The following NTM variants were observed in gnomAD, a reference collection of about 807,000 sequenced individuals.
NTM encodes IgLON family member 2.
Under a neutral mutation model 42.1 loss-of-function variants are expected in NTM, and 13 were observed. The ratio of observed to expected loss-of-function variants is 0.31; its 90% CI spans 0.20 to 0.49. The LOEUF (loss-of-function observed/expected upper bound fraction) is 0.49, where lower values mean the gene tolerates loss of function less well. Among genes scored for constraint, NTM ranks in the 20% least tolerant of loss-of-function variants. NTM has a pLI of 0.99. For missense variants in NTM, 373 were observed against 452.8 expected (o/e 0.82, Z 1.60); for synonymous variants, 187 against 179.2 (o/e 1.04, Z -0.35).
chr11:131,388,250 G>A (rs574369509), intron 1 of NTM, among the ~76,000 whole-genome samples: 61 of 151,604 alleles, frequency 4.0e-4, no homozygotes, highest in African/African-American at 1.3e-3. Flanking sequence ...TGTGTAAGCC[G>A]TATAAATATG....
chr11:131,860,523 C>T (rs976404197), intron 1 of NTM, among the ~76,000 whole-genome samples: 1 of 152,178 alleles, frequency 6.6e-6, no homozygotes, highest in Non-Finnish European at 1.5e-5. Context: ...TATCGTCACC[C>T]TCTCCCTAGC....
intron 1 of NTM, chr11:131,455,521 G>C (rs1407362940): frequency 6.6e-6 from 1 of 152,306 alleles, no homozygotes; most frequent in East Asian, 1.9e-4. Context: ...GGTCCACTGA[G>C]GTAGGGGGAG....
At chr11:132,155,760 T>C (rs1430143416) in intron 3 of NTM, among the ~76,000 whole-genome samples, 1 of 152,214 alleles carries the variant, frequency 6.6e-6, no homozygotes, top group East Asian at 1.9e-4. Flanking sequence ...GAAAGAAAGA[T>C]GAGAAATTTT....
intron 1 of NTM, among the ~76,000 whole-genome samples, chr11:131,623,725 C>G (rs893658831): frequency 2.6e-5 from 4 of 152,218 alleles, no homozygotes; most frequent in Non-Finnish European, 4.4e-5. Context: ...CTGGGCCAGG[C>G]CCACTCTCCC....
chr11:131,551,655 A>G (rs943551731), intron 1 of NTM, among the ~76,000 whole-genome samples: 14 of 152,182 alleles, frequency 9.2e-5, no homozygotes, highest in African/African-American at 3.1e-4. Context: ...TCCTTTACCC[A>G]GGAGACTGCC....
At position 132,002,026 on chromosome 11, in the gene NTM, G is replaced by A. The variant is rs1237764920; in HGVS notation, c.167+90378G>A. On this transcript the variant is annotated intron_variant, in intron 2 of 8. Transcript: ENST00000683400. The surrounding 1 kb of genome is among the most constrained non-coding windows in gnomAD (Gnocchi z 4.5). Reference sequence around the variant, plus strand: ...GTAGAAAAACTTGAATAAAAGCAATGGCAGGGACAGCCAAAGAGGAATCAG... The same window carrying A: ...GTAGAAAAACTTGAATAAAAGCAATAGCAGGGACAGCCAAAGAGGAATCAG... 6.6e-6 allele frequency among the ~76,000 whole-genome samples: 1 copy of A among 152,100 alleles called. No individual in the cohort carries two copies. The highest frequency in any genetic ancestry group is 1.9e-4 in the East Asian group (1 of 5,168).
chr11:131,445,446 G>C (rs1949984536), intron 1 of NTM, among the ~76,000 whole-genome samples: 1 of 152,190 alleles, frequency 6.6e-6, no homozygotes, highest in East Asian at 1.9e-4. Flanking sequence ...AAAGCAGATA[G>C]GCAAAGAAGA....
At chr11:131,701,684 C>A (rs1020939505) in intron 1 of NTM, among the ~76,000 whole-genome samples, 5 of 152,136 alleles carry the variant, frequency 3.3e-5, no homozygotes, top group South Asian at 2.1e-4. Context: ...AAGTAGTGGG[C>A]TCCTTAATGC....
chr11:132,223,993 C>G (rs528189315), intron 4 of NTM, among the ~76,000 whole-genome samples: 3 of 152,056 alleles, frequency 2.0e-5, no homozygotes, highest in Admixed American at 2.0e-4. Context: ...TCAAAGCCCT[C>G]GATGAATCTT....
intron 1 of NTM, among the ~76,000 whole-genome samples, chr11:131,677,075 C>T (rs532974093): frequency 6.6e-6 from 1 of 152,304 alleles, no homozygotes; most frequent in South Asian, 2.1e-4. Flanking sequence ...GCTAGATCTG[C>T]CTCTGGCATC....
intron 3 of NTM, 181 bp from the exon 4 acceptor site, chr11:132,211,841 A>G (rs2138667986): frequency 4.4e-6 from 2 of 459,194 alleles, no homozygotes; most frequent in South Asian, 6.2e-5. Flanking sequence ...AATAGGAGGA[A>G]ATCAAAGCTA....
chr11:132,050,758 A>G (rs549892211), intron 2 of NTM, among the ~76,000 whole-genome samples: 2 of 152,306 alleles, frequency 1.3e-5, no homozygotes, highest in African/African-American at 4.8e-5. Context: ...GGGCACACAG[A>G]CACCTGCAGG....
chr11:131,798,645 G>T (rs1477224224), intron 1 of NTM, among the ~76,000 whole-genome samples: 1 of 152,138 alleles, frequency 6.6e-6, no homozygotes, highest in African/African-American at 2.4e-5. Flanking sequence ...AAGACCTATT[G>T]ATTTGTATCC....
intron 1 of NTM, among the ~76,000 whole-genome samples, chr11:131,826,275 G>A (rs1356360393): frequency 1.3e-5 from 2 of 152,140 alleles, no homozygotes; most frequent in Non-Finnish European, 2.9e-5. Flanking sequence ...ACATGAAGAC[G>A]AATGAAGCCT....
intron 1 of NTM, among the ~76,000 whole-genome samples, chr11:131,375,717 G>T (rs760853007): frequency 3.9e-5 from 6 of 152,122 alleles, no homozygotes; most frequent in Non-Finnish European, 7.4e-5. Context: ...GATTGGCAAA[G>T]GGTGGGAAAA....
chr11:131,576,335 G>A lies in NTM; in HGVS notation c.82+205447G>A, dbSNP rs141201331. Reference sequence around the variant, plus strand: ...CTCTTCTTTCAAAAGAACCAGGATTGGTCCATCTAAATGCACAGAAGATAA... The same window carrying A: ...CTCTTCTTTCAAAAGAACCAGGATTAGTCCATCTAAATGCACAGAAGATAA... On this transcript the variant is annotated intron_variant, in intron 1 of 8. Transcript: ENST00000683400. Among the ~76,000 whole-genome samples, 21 of 152,280 alleles carry A rather than the reference G, an allele frequency of 1.4e-4. No individual in the cohort carries two copies. The East Asian group carries it at 3.9e-3, about 28-fold the overall frequency.
chr11:131,664,229 C>A (rs117326791), intron 1 of NTM, among the ~76,000 whole-genome samples: 17 of 152,358 alleles, frequency 1.1e-4, no homozygotes, highest in African/African-American at 4.1e-4. Context: ...TTATTAAGTT[C>A]TCTGGACCTC....
At chr11:131,763,110 G>A (rs1195609858) in intron 1 of NTM, among the ~76,000 whole-genome samples, 3 of 152,062 alleles carry the variant, frequency 2.0e-5, no homozygotes, top group Admixed American at 1.3e-4. Flanking sequence ...TGGTCCTCAG[G>A]TAGGGGATGG....
chr11:131,517,472 G>C (rs2049037528), intron 1 of NTM, among the ~76,000 whole-genome samples: 1 of 152,172 alleles, frequency 6.6e-6, no homozygotes. Flanking sequence ...AGGCAGGCTG[G>C]AAAATGGGGG....
Sources: allele counts gnomAD v4.1 joint callset (sites outside exome capture counted in the v4.1 genomes callset), GRCh38; gene constraint gnomAD v4.1.1; non-coding constraint Gnocchi (gnomAD v3.1); transcripts MANE v1.5; gene names NCBI Gene and HGNC (gene_info 2026-07-23, HGNC 2026-07-21).